KANSL3: variants seen among roughly 807,000 people sequenced by gnomAD.
The protein encoded by KANSL3 is NSL complex protein NSL3.
In KANSL3, 16 loss-of-function variants were observed where a neutral mutation model predicts 89.2. The observed-to-expected ratio is 0.18, with a 90% CI of 0.12 to 0.27. The LOEUF (loss-of-function observed/expected upper bound fraction) is 0.27. KANSL3 is among the 10% of genes least tolerant of loss of function. The probability of loss-of-function intolerance (pLI) is 1.00; values close to 1 mark genes in which losing one functional copy is unlikely to be tolerated. For missense variants in KANSL3, 879 were observed against 1,110.6 expected (o/e 0.79, Z 2.96); for synonymous variants, 385 against 419.7 (o/e 0.92, Z 1.01).
intron 2 of KANSL3, among the ~76,000 whole-genome samples, chr2:96,635,658 G>A (rs906186312): frequency 1.3e-5 from 2 of 152,150 alleles, no homozygotes; most frequent in Admixed American, 1.3e-4. Context: ...AAAGTCATTG[G>A]GAAATGAAAT....
intron 20 of KANSL3, among the ~76,000 whole-genome samples, chr2:96,598,366 G>C (rs1202979862): frequency 2.0e-5 from 3 of 152,098 alleles, no homozygotes; most frequent in African/African-American, 7.2e-5. Flanking sequence ...AGAAAACTAT[G>C]GGCCAAAGCC....
chr2:96,601,562 GC>G (rs1228612023), intron 20 of KANSL3, 80 bp downstream of exon 20: 1 of 1,538,218 alleles, frequency 6.5e-7, no homozygotes, highest in South Asian at 1.3e-5. Flanking sequence ...TGCATGGGCA[GC>G]CCCTTCAATC....
At chr2:96,591,887 T>C (rs1178961998), downstream of KANSL3, among the ~76,000 whole-genome samples, 2 of 152,214 alleles carry the variant, frequency 1.3e-5, no homozygotes, top group Non-Finnish European at 2.9e-5. Flanking sequence ...TCCTTGTCTA[T>C]AAAAATGCCT....
the KANSL3 span, among the ~76,000 whole-genome samples, chr2:96,586,117 C>A: frequency 6.6e-6 from 1 of 150,794 alleles, no homozygotes; most frequent in Admixed American, 6.6e-5. Context: ...CCCAGCTACT[C>A]GGGAGGCTGA....
At chr2:96,589,249 T>G (rs767718277), downstream of KANSL3, among the ~76,000 whole-genome samples, 2 of 152,082 alleles carry the variant, frequency 1.3e-5, no homozygotes, top group Non-Finnish European at 2.9e-5. Context: ...GTCTAAAAAC[T>G]CTAATTAAAA....
intron 1 of KANSL3, 105 bp from the exon 2 acceptor site, chr2:96,637,290 A>T: frequency 1.7e-6 from 1 of 574,404 alleles, no homozygotes; most frequent in South Asian, 2.2e-5. Context: ...ATTCCTATTG[A>T]GTATCCATTT....
intron 20 of KANSL3, chr2:96,601,202 A>T (rs2067135482): frequency 1.9e-6 from 1 of 532,058 alleles, no homozygotes; most frequent in Non-Finnish European, 2.4e-6. Flanking sequence ...GGGGAGGTGG[A>T]GGTTGCAGGG....
chr2:96,616,984 C>T (rs577609645), intron 5 of KANSL3, among the ~76,000 whole-genome samples: 23 of 152,280 alleles, frequency 1.5e-4, no homozygotes, highest in Non-Finnish European at 3.1e-4. Flanking sequence ...GAGACCCTGG[C>T]CACTACCAAC....
chr2:96,621,341 C>G (rs1224257833), intron 3 of KANSL3, among the ~76,000 whole-genome samples: 2 of 152,006 alleles, frequency 1.3e-5, no homozygotes, highest in African/African-American at 4.8e-5. Context: ...TGGTGAAACC[C>G]CATCTCTACT....
chr2:96,625,764 C>G (rs191145952), intron 3 of KANSL3, among the ~76,000 whole-genome samples: 2 of 152,256 alleles, frequency 1.3e-5, no homozygotes, highest in Admixed American at 6.5e-5. Context: ...GAAACATGAT[C>G]TCTATATTTT....
chr2:96,609,982 C>CAAAAAAA (rs2068639758), intron 11 of KANSL3, among the ~76,000 whole-genome samples: 1 of 61,258 alleles, frequency 1.6e-5, no homozygotes, highest in African/African-American at 1.1e-4. Context: ...AAAAAAAAAG[C>CAAAAAAA]TCAAGGTCGT....
chr2:96,616,127 T>G (rs78375587), intron 5 of KANSL3, among the ~76,000 whole-genome samples: 6 of 152,054 alleles, frequency 3.9e-5, no homozygotes, highest in Middle Eastern at 3.2e-3. Flanking sequence ...AAGTCAAGGA[T>G]GCAAGTAAGG....
rs528216284 is a variant in KANSL3 at position 96,628,087 on chromosome 2, G to A, written c.386+3225C>T. The A allele has an allele frequency of 9.3e-6, 12 of 1,290,232 alleles. No individual in the cohort carries two copies. The Middle Eastern group carries it at 6.4e-4, about 69-fold the overall frequency. The allele number at this position is 1,290,232 out of a possible 1,614,324, so 79.9% of individuals were successfully genotyped here. A position where few individuals can be genotyped will look rare whatever the true frequency, so the allele number is the denominator to read the frequency against. Reference sequence around the variant, plus strand: ...AAGGGTGGTGGTCCACAAGGAGACTGGAGAAAGATAAGCCAAAGACAAGAA... The same window carrying A: ...AAGGGTGGTGGTCCACAAGGAGACTAGAGAAAGATAAGCCAAAGACAAGAA... On this transcript the variant is annotated intron_variant, in intron 3 of 20. Transcript: ENST00000431828.
chr2:96,589,225 C>T (rs1157298010), downstream of KANSL3, among the ~76,000 whole-genome samples: 1 of 152,092 alleles, frequency 6.6e-6, no homozygotes, highest in Non-Finnish European at 1.5e-5. Flanking sequence ...CCTATAATTA[C>T]ATGTAAGAAA....
chr2:96,584,602 G>T, the KANSL3 span, among the ~76,000 whole-genome samples: 2 of 152,128 alleles, frequency 1.3e-5, no homozygotes, highest in African/African-American at 4.8e-5. Flanking sequence ...AGCTTTTTTA[G>T]CTCCTACCTG....
rs1313117799 is a variant in KANSL3 at position 96,612,918 on chromosome 2, G to C, written c.812C>G (p.Ser271Cys). 6.4e-7 allele frequency: 1 copy of C among 1,561,954 alleles called. No homozygotes were observed. ...AGAGGAGGCGATGAGAATCAGCGGA[G>C]AGCCAGGGAGTTTGCTCTAAAGAGG... ...SHNKPSKLPGSPLILIASSGP... is the reference protein window; with the variant it reads ...SHNKPSKLPGCPLILIASSGP... Residue 271 changes from serine to cysteine, a missense_variant, in exon 7 of 21, where the codon TCT (serine) becomes TGT (cysteine). Ser to Cys is a moderately radical substitution (Grantham distance 112). This residue lies in a region of KANSL3 where 198 missense variants were observed against 260.3 expected (regional missense o/e 0.76). Coordinates refer to ENST00000431828, the MANE Select transcript of KANSL3 (RefSeq NM_001115016.3).
chr2:96,606,642 G>C, intron 14 of KANSL3: 1 of 234,328 alleles, frequency 4.3e-6, no homozygotes, highest in Non-Finnish European at 8.4e-6. Flanking sequence ...CAGGACAGGA[G>C]GCAGGGAGAA....
rs368861111 is a variant in KANSL3 at position 96,633,273 on chromosome 2, A to T, written c.216-1791T>A. Among the ~76,000 whole-genome samples, 13 of 152,098 alleles carry T rather than the reference A, an allele frequency of 8.5e-5. No homozygotes were observed. The South Asian group carries it at 2.7e-3, about 32-fold the overall frequency. On this transcript the variant is annotated intron_variant, in intron 2 of 20. Transcript: ENST00000431828. Reference sequence around the variant, plus strand: ...CGGCCCAAAAAAAAAAAATTTAAATAGAATTAAATATTCAGGCTGGGCGTA... The same window carrying T: ...CGGCCCAAAAAAAAAAAATTTAAATTGAATTAAATATTCAGGCTGGGCGTA...
At chr2:96,606,676 C>T in intron 14 of KANSL3, 1 of 235,072 alleles carries the variant, frequency 4.3e-6, no homozygotes, top group Non-Finnish European at 8.4e-6. Flanking sequence ...AACTGAGACT[C>T]AGGCAATGCC....
Sources: gnomAD v4.1 joint callset for allele counts (sites outside exome capture counted in the v4.1 genomes callset) on GRCh38, gnomAD v4.1.1 for gene constraint, gnomAD v4.1.1 regional missense constraint, MANE v1.5 for transcripts, NCBI Gene and HGNC (gene_info 2026-07-23, HGNC 2026-07-21) for gene names.